Variants in LCLAT1 observed in about 807,000 individuals in gnomAD.
The protein encoded by LCLAT1 is 1-AGP acyltransferase 8.
In LCLAT1, 11 loss-of-function variants were observed where a neutral mutation model predicts 30.7. The ratio of observed to expected loss-of-function variants is 0.36; its 90% CI spans 0.23 to 0.59. The LOEUF (loss-of-function observed/expected upper bound fraction) is 0.59, where lower values mean the gene tolerates loss of function less well. Among genes scored for constraint, LCLAT1 ranks in the 20% least tolerant of loss-of-function variants. The pLI is 0.77. For missense variants in LCLAT1, 402 were observed against 458.6 expected (o/e 0.88, Z 1.13); for synonymous variants, 155 against 151.3 (o/e 1.02, Z -0.18).
chr2:30,621,298 C>A (rs2100113), intron 5 of LCLAT1, among the ~76,000 whole-genome samples: 19,256 of 152,070 alleles, frequency 0.13, 1,345 homozygotes, highest in South Asian at 0.22. Flanking sequence ...CCCAAAATTC[C>A]TATATTGAGG....
intron 5 of LCLAT1, among the ~76,000 whole-genome samples, chr2:30,590,989 G>A (rs537279442): frequency 6.6e-6 from 1 of 152,216 alleles, no homozygotes; most frequent in African/African-American, 2.4e-5. Context: ...TAAAATTGGA[G>A]AGCTGATATA....
chr2:30,562,307 G>A lies in LCLAT1; in HGVS notation c.511+15G>A. On this transcript the variant is annotated intron_variant, in intron 4 of 5. Coordinates refer to ENST00000379509, the MANE Select transcript of LCLAT1 (RefSeq NM_001002257.3). Reference sequence around the variant, plus strand: ...TGATCTCACAGGTAATGTAGCCTGGGTTTGGCAAAGTTAGAAATCATGTAG... The same window carrying A: ...TGATCTCACAGGTAATGTAGCCTGGATTTGGCAAAGTTAGAAATCATGTAG... The A allele has an allele frequency of 6.4e-7, 1 of 1,570,672 alleles. No individual in the cohort carries two copies. Among genetic ancestry groups the A allele is most frequent in the Non-Finnish European group, 8.7e-7 (1 of 1,152,270 alleles).
intron 3 of LCLAT1, among the ~76,000 whole-genome samples, chr2:30,550,598 A>G (rs887450800): frequency 6.6e-6 from 1 of 152,166 alleles, no homozygotes; most frequent in Non-Finnish European, 1.5e-5. Context: ...TACCCTTCTC[A>G]TGTCAGAGGT....
At chr2:30,530,154 T>C (rs1188668492) in intron 2 of LCLAT1, among the ~76,000 whole-genome samples, 1 of 152,248 alleles carries the variant, frequency 6.6e-6, no homozygotes, top group African/African-American at 2.4e-5. Flanking sequence ...GAATTGTTAC[T>C]CTTCAATATA....
intron 1 of LCLAT1, among the ~76,000 whole-genome samples, chr2:30,483,239 G>A (rs1332426068): frequency 6.6e-6 from 1 of 152,158 alleles, no homozygotes; most frequent in African/African-American, 2.4e-5. Flanking sequence ...TCTAATCCCA[G>A]CACTTCAGGA....
chr2:30,534,232 TGTGTGTGTGTG>T (rs1686124770), intron 3 of LCLAT1, among the ~76,000 whole-genome samples: 1 of 66,494 alleles, frequency 1.5e-5, no homozygotes, highest in Non-Finnish European at 3.1e-5. Flanking sequence ...TGTGTGTGTG[TGTGTGTGTGTG>T]TGTGTGTGTG....
intron 1 of LCLAT1, among the ~76,000 whole-genome samples, chr2:30,516,354 G>T (rs1685184382): frequency 6.6e-6 from 1 of 152,128 alleles, no homozygotes; most frequent in South Asian, 2.1e-4. Flanking sequence ...CGCCGTCGCA[G>T]ACCCGCCATT....
intron 2 of LCLAT1, among the ~76,000 whole-genome samples, chr2:30,527,653 C>T (rs1474284789): frequency 6.6e-6 from 1 of 152,052 alleles, no homozygotes; most frequent in Non-Finnish European, 1.5e-5. Context: ...GCTCCTTAGC[C>T]TCATTGTAAG....
At chr2:30,577,046 T>C (rs1352310086) in intron 5 of LCLAT1, among the ~76,000 whole-genome samples, 1 of 150,884 alleles carries the variant, frequency 6.6e-6, no homozygotes, top group Non-Finnish European at 1.5e-5. Context: ...TAAATGAAAG[T>C]AGTTTTCTCC....
chr2:30,634,881 G>A (rs1668950116), intron 5 of LCLAT1, among the ~76,000 whole-genome samples: 1 of 152,180 alleles, frequency 6.6e-6, no homozygotes, highest in African/African-American at 2.4e-5. Flanking sequence ...AAGCCCCAAG[G>A]CCATGCTAAC....
At chr2:30,454,371 C>G (rs528510466) in intron 1 of LCLAT1, among the ~76,000 whole-genome samples, 2 of 152,242 alleles carry the variant, frequency 1.3e-5, no homozygotes, top group South Asian at 4.1e-4. Context: ...TAGTGCTCAA[C>G]CTGGACAGTG....
intron 1 of LCLAT1, among the ~76,000 whole-genome samples, chr2:30,457,080 C>T (rs536652182): frequency 1.3e-5 from 2 of 152,250 alleles, no homozygotes; most frequent in African/African-American, 4.8e-5. Context: ...ACCAAACTCT[C>T]TTTAGTTTTA....
intron 1 of LCLAT1, among the ~76,000 whole-genome samples, chr2:30,494,917 G>C (rs1478710591): frequency 2.0e-5 from 3 of 149,042 alleles, no homozygotes; most frequent in African/African-American, 4.9e-5. Context: ...AATGATTCCA[G>C]GTTCGTTTCA....
At chr2:30,500,542 A>G (rs1684325065) in intron 1 of LCLAT1, among the ~76,000 whole-genome samples, 1 of 152,220 alleles carries the variant, frequency 6.6e-6, no homozygotes, top group East Asian at 1.9e-4. Flanking sequence ...AACTCTTTCT[A>G]GTTACAAAGC....
At chr2:30,582,621 A>C (rs1010282141) in intron 5 of LCLAT1, among the ~76,000 whole-genome samples, 1 of 152,190 alleles carries the variant, frequency 6.6e-6, no homozygotes, top group African/African-American at 2.4e-5. Flanking sequence ...ATAAGCCCAG[A>C]TTCCTTTTAA....
chr2:30,454,701 G>T (rs748519715), intron 1 of LCLAT1, among the ~76,000 whole-genome samples: 1 of 150,942 alleles, frequency 6.6e-6, no homozygotes, highest in Non-Finnish European at 1.5e-5. Context: ...CTCCCTCTTC[G>T]ACCTCCCAAA....
At chr2:30,527,566 ATT>A (rs2148387611) in intron 2 of LCLAT1, among the ~76,000 whole-genome samples, 2 of 152,276 alleles carry the variant, frequency 1.3e-5, no homozygotes, top group African/African-American at 4.8e-5. Flanking sequence ...CAGAGTGCTT[ATT>A]TTCACAGACA....
At chr2:30,621,808 A>T (rs1362448393) in intron 5 of LCLAT1, among the ~76,000 whole-genome samples, 1 of 152,118 alleles carries the variant, frequency 6.6e-6, no homozygotes, top group East Asian at 1.9e-4. Flanking sequence ...GTCCTTGGGG[A>T]GGACTGCCAG....
At chr2:30,501,536 A>G (rs548268659) in intron 1 of LCLAT1, among the ~76,000 whole-genome samples, 1 of 152,216 alleles carries the variant, frequency 6.6e-6, no homozygotes, top group East Asian at 1.9e-4. Context: ...TTAGTTGGGC[A>G]TGGTGCCCCA....
Sources: allele counts gnomAD v4.1 joint callset (sites outside exome capture counted in the v4.1 genomes callset), GRCh38; gene constraint gnomAD v4.1.1; transcripts MANE v1.5; gene names NCBI Gene and HGNC (gene_info 2026-07-23, HGNC 2026-07-21).